The following NRG1 variants were observed in gnomAD, a reference collection of about 807,000 sequenced individuals.
NRG1 encodes the protein pro-neuregulin-1, membrane-bound isoform.
In NRG1, 18 loss-of-function variants were observed where a neutral mutation model predicts 63.8. The observed-to-expected ratio is 0.28, with a 90% CI of 0.19 to 0.42. The LOEUF is 0.42. Among genes scored for constraint, NRG1 ranks in the 10% least tolerant of loss-of-function variants. The pLI is 1.00. For synonymous variants in NRG1, 302 were observed against 301.3 expected (o/e 1.00, Z -0.02); for missense variants, 762 against 814.7 (o/e 0.94, Z 0.79).
intron 1 of NRG1, among the ~76,000 whole-genome samples, chr8:32,436,494 CT>C (rs1250650453): frequency 6.6e-6 from 1 of 152,144 alleles, no homozygotes; most frequent in Non-Finnish European, 1.5e-5. Flanking sequence ...ATCCAGTAAC[CT>C]TTTGATTTCT....
chr8:32,233,536 A>AATATATATAT lies in NRG1; in HGVS notation c.38-362273_38-362264dup, dbSNP rs71541806. On this transcript the variant is annotated intron_variant, in intron 1 of 10. Transcript: ENST00000519301. ...CACACTGTTGCTCATAACTCGAAAG[A>AATATATATAT]ATATATATATATATATATATATATA... Among the ~76,000 whole-genome samples the AATATATATAT allele has an allele frequency of 8.3e-3, 729 of 87,922 alleles. 6 individuals carry two copies. Among genetic ancestry groups the AATATATATAT allele is most frequent in the African/African-American group, 0.015 (379 of 25,294 alleles). 57.7% of individuals were successfully genotyped at this position (87,922 alleles called of 152,430 possible).
intron 1 of NRG1, among the ~76,000 whole-genome samples, chr8:31,668,894 AT>A (rs1806821942): frequency 6.6e-6 from 1 of 152,164 alleles, no homozygotes; most frequent in Non-Finnish European, 1.5e-5. Context: ...CTTATGGGAA[AT>A]TCTTAGGACC....
chr8:32,477,227 T>C (rs1824637544), intron 1 of NRG1, among the ~76,000 whole-genome samples: 1 of 152,130 alleles, frequency 6.6e-6, no homozygotes, highest in Non-Finnish European at 1.5e-5. Context: ...TCAAGGAGGC[T>C]CTCATTCTGG....
chr8:32,580,654 A>T (rs1456816503), intron 1 of NRG1, among the ~76,000 whole-genome samples: 2 of 152,306 alleles, frequency 1.3e-5, no homozygotes, highest in East Asian at 3.9e-4. Context: ...GGAGACTAAG[A>T]CTTGAAATTG....
chr8:31,977,071 A>G (rs1775101195), intron 1 of NRG1, among the ~76,000 whole-genome samples: 1 of 152,190 alleles, frequency 6.6e-6, no homozygotes, highest in Admixed American at 6.5e-5. Context: ...GCCTTTGTGC[A>G]TGAAGACAGT....
In NRG1 at chr8:31,660,517, G is replaced by A. The variant is rs1055145449; in HGVS notation, c.37+21086G>A. ...CAGAAGAATGTTGCATATATTATTC[G>A]TTTTGATTTGGAAAAACAATTAAAA... is the stretch of plus-strand genomic sequence containing the variant. On this transcript the variant is annotated intron_variant, in intron 1 of 10. Coordinates refer to the NRG1 transcript ENST00000519301. Among the ~76,000 whole-genome samples, 8 of 152,236 alleles carry A rather than the reference G, an allele frequency of 5.3e-5. No homozygotes were observed. The South Asian group carries it at 6.2e-4, about 12-fold the overall frequency.
chr8:32,029,074 G>C (rs1817886521), intron 1 of NRG1, among the ~76,000 whole-genome samples: 1 of 152,024 alleles, frequency 6.6e-6, no homozygotes, highest in African/African-American at 2.4e-5. Context: ...CACACTTTAG[G>C]AAAGTGTCTT....
chr8:32,646,788 T>C (rs1329065222), intron 5 of NRG1: 1 of 985,176 alleles, frequency 1.0e-6, no homozygotes, highest in South Asian at 4.7e-5. Flanking sequence ...TTCCTTCTAA[T>C]TGGATAAAAT....
At chr8:32,596,746 T>C (rs1015272118) in intron 2 of NRG1, among the ~76,000 whole-genome samples, 1 of 152,196 alleles carries the variant, frequency 6.6e-6, no homozygotes, top group Non-Finnish European at 1.5e-5. Context: ...ATGTAACCAG[T>C]TGAATTCAGA....
intron 1 of NRG1, among the ~76,000 whole-genome samples, chr8:32,206,486 A>G (rs761789854): frequency 3.9e-5 from 6 of 152,174 alleles, no homozygotes; most frequent in Non-Finnish European, 7.4e-5. Flanking sequence ...CTTTTTCAAG[A>G]TGCATATTTT....
intron 1 of NRG1, among the ~76,000 whole-genome samples, chr8:32,027,466 T>TTCCCTCCCTCCCTCCCTCCCTCCCTCCC (rs71208162): frequency 1.8e-4 from 11 of 60,840 alleles, no homozygotes; most frequent in African/African-American, 8.0e-4. Context: ...CCTTCCTTCC[T>TTCCCTCCCTCCCTCCCTCCCTCCCTCCC]TCCCTCCCTC....
intron 1 of NRG1, among the ~76,000 whole-genome samples, chr8:32,379,351 G>C (rs931346722): frequency 6.6e-6 from 1 of 152,088 alleles, no homozygotes; most frequent in African/African-American, 2.4e-5. Flanking sequence ...AGCCCTTGAG[G>C]ACTCCCTGGG....
chr8:32,740,095 C>G (rs572511166), intron 6 of NRG1, among the ~76,000 whole-genome samples: 1 of 151,858 alleles, frequency 6.6e-6, no homozygotes, highest in Non-Finnish European at 1.5e-5. Context: ...GAAAAAAGTT[C>G]CCATGTGTTT....
intron 1 of NRG1, among the ~76,000 whole-genome samples, chr8:31,866,093 C>T (rs910567785): frequency 1.2e-4 from 18 of 152,162 alleles, no homozygotes; most frequent in African/African-American, 4.3e-4. Context: ...TCTCAAAGTG[C>T]CATCTTCCTT....
chr8:32,016,207 A>C (rs1388629668), intron 1 of NRG1, among the ~76,000 whole-genome samples: 1 of 152,032 alleles, frequency 6.6e-6, no homozygotes, highest in Non-Finnish European at 1.5e-5. Context: ...AGATATATAT[A>C]TATTCCTGCA....
intron 8 of NRG1, 115 bp from the exon 9 acceptor site, chr8:32,756,288 T>A: frequency 8.6e-7 from 1 of 1,159,376 alleles, no homozygotes; most frequent in South Asian, 1.6e-5. Flanking sequence ...TCCCTCTTCC[T>A]CATCACCAGT....
At chr8:32,731,479 A>G (rs1352864995) in intron 6 of NRG1, among the ~76,000 whole-genome samples, 1 of 152,040 alleles carries the variant, frequency 6.6e-6, no homozygotes, top group Non-Finnish European at 1.5e-5. Flanking sequence ...CAGAAAGAAA[A>G]TCTTTGACAT....
At chr8:32,295,408 A>C (rs189604076) in intron 1 of NRG1, among the ~76,000 whole-genome samples, 3 of 152,254 alleles carry the variant, frequency 2.0e-5, no homozygotes, top group Non-Finnish European at 4.4e-5. Context: ...GATTGGTAGG[A>C]AAATTGCTTT....
intron 1 of NRG1, among the ~76,000 whole-genome samples, chr8:32,240,981 T>A (rs1438002568): frequency 6.6e-6 from 1 of 151,962 alleles, no homozygotes; most frequent in Non-Finnish European, 1.5e-5. Flanking sequence ...ATACCCTTTT[T>A]AAAAAAGCAA....
Sources: allele counts gnomAD v4.1 joint callset (sites outside exome capture counted in the v4.1 genomes callset), GRCh38; gene constraint gnomAD v4.1.1; transcripts MANE v1.5; gene names NCBI Gene and HGNC (gene_info 2026-07-23, HGNC 2026-07-21).